Variants in XYLB observed in about 807,000 individuals in gnomAD.
The protein encoded by XYLB is xylulokinase.
A neutral mutation model predicts 78.7 loss-of-function variants in XYLB; 62 were observed. The ratio of observed to expected loss-of-function variants is 0.79; its 90% CI spans 0.64 to 0.97. The LOEUF (loss-of-function observed/expected upper bound fraction) is 0.97. Ranked by LOEUF, XYLB falls within the 50% of genes least tolerant of loss-of-function variation. The probability of loss-of-function intolerance (pLI) is 0.00; values close to 1 mark genes in which losing one functional copy is unlikely to be tolerated. For synonymous variants in XYLB, 245 were observed against 247.4 expected (o/e 0.99, Z 0.09); for missense variants, 687 against 676.8 (o/e 1.02, Z -0.17).
At chr3:38,374,634 T>C in intron 11 of XYLB, 132 bp downstream of exon 11, 1 of 1,099,280 alleles carries the variant, frequency 9.1e-7, no homozygotes, top group South Asian at 1.4e-5. Flanking sequence ...GGATCTCTGC[T>C]ACTTATCAGA....
At chr3:38,379,625 A>G (rs1177420683) in intron 15 of XYLB, among the ~76,000 whole-genome samples, 2 of 152,138 alleles carry the variant, frequency 1.3e-5, no homozygotes, top group Admixed American at 6.5e-5. Flanking sequence ...TCTTTCTGAA[A>G]CCCTAAGCTC....
intron 2 of XYLB, among the ~76,000 whole-genome samples, chr3:38,354,806 T>C (rs1334566195): frequency 6.6e-6 from 1 of 152,256 alleles, no homozygotes; most frequent in African/African-American, 2.4e-5. Context: ...ACCCAGCCTG[T>C]TGTTAATATT....
At chr3:38,382,951 C>T (rs564242) in intron 15 of XYLB, among the ~76,000 whole-genome samples, 60,730 of 151,848 alleles carry the variant, frequency 0.4, 13,625 homozygotes, top group Admixed American at 0.51. Context: ...GTTGCACGCA[C>T]GTGAGGACTC....
chr3:38,418,031 A>G (rs2125689892), downstream of XYLB, among the ~76,000 whole-genome samples: 1 of 151,580 alleles, frequency 6.6e-6, no homozygotes, highest in South Asian at 2.1e-4. Flanking sequence ...GTCTCTACTA[A>G]TAATACAAAA....
intron 15 of XYLB, among the ~76,000 whole-genome samples, chr3:38,389,017 C>T (rs1282785370): frequency 2.0e-5 from 3 of 147,470 alleles, no homozygotes; most frequent in African/African-American, 5.0e-5. Flanking sequence ...GGTCATAGGA[C>T]AATAGTGGAG....
chr3:38,364,064 C>T (rs1306593777), intron 4 of XYLB, among the ~76,000 whole-genome samples: 1 of 152,038 alleles, frequency 6.6e-6, no homozygotes, highest in Non-Finnish European at 1.5e-5. Context: ...CTAGCTAATC[C>T]CCGACCCCCA....
chr3:38,368,082 C>T (rs1331731102), intron 7 of XYLB, 103 bp from the exon 8 acceptor site: 5 of 1,060,748 alleles, frequency 4.7e-6, no homozygotes, highest in Admixed American at 1.8e-5. Context: ...AAAGTTTCCA[C>T]TTCCCTCTCC....
chr3:38,427,434 G>T, the XYLB span, among the ~76,000 whole-genome samples: 2 of 152,178 alleles, frequency 1.3e-5, no homozygotes, highest in East Asian at 3.8e-4. Context: ...TGTAGTGAAA[G>T]AATTCCCTTT....
In XYLB at chr3:38,397,203, A is replaced by G. The variant is rs202020769; in HGVS notation, c.1438+44A>G. The G allele has an allele frequency of 5.8e-5, 93 of 1,591,946 alleles. No homozygotes were observed. The African/African-American group carries it at 1.2e-3, about 20-fold the overall frequency. ...ACAGCTATCTCTGGAAGTGGCCAGG[A>G]CATGGGGTGGGCTGAGGAGGGTGGA... On this transcript the variant is annotated intron_variant, in intron 17 of 18. Coordinates refer to ENST00000207870, the MANE Select transcript of XYLB (RefSeq NM_005108.4).
At chr3:38,388,523 CAAAAT>C (rs1226966556) in intron 15 of XYLB, among the ~76,000 whole-genome samples, 3 of 151,874 alleles carry the variant, frequency 2.0e-5, no homozygotes, top group Non-Finnish European at 2.9e-5. Flanking sequence ...AAATAAGTAA[CAAAAT>C]AAGTAAAAAA....
the XYLB span, among the ~76,000 whole-genome samples, chr3:38,443,269 T>C: frequency 2.0e-5 from 3 of 152,188 alleles, no homozygotes; most frequent in Non-Finnish European, 4.4e-5. Flanking sequence ...GGTGATGACA[T>C]AAGCCGGTGC....
chr3:38,410,595 G>A (rs1708535176), intron 18 of XYLB, among the ~76,000 whole-genome samples: 2 of 152,116 alleles, frequency 1.3e-5, no homozygotes, highest in African/African-American at 4.8e-5. Flanking sequence ...GAGCGAACAG[G>A]TAACCTACAA....
At position 38,372,622 on chromosome 3, in the gene XYLB, A is replaced by G. The variant is rs373895776; in HGVS notation, c.766-33A>G. 37 of 1,613,812 alleles carry G rather than the reference A, an allele frequency of 2.3e-5. No homozygotes were observed. In the African/African-American group the frequency reaches 4.7e-4, roughly 20 times the overall value. On this transcript the variant is annotated intron_variant, in intron 9 of 18. Coordinates refer to ENST00000207870, the MANE Select transcript of XYLB (RefSeq NM_005108.4). ...TGCTGGGCAGGCGGGATTTACCTCA[A>G]CAGAGCACCTTTGCTTTGTCCCCGT...
intron 15 of XYLB, among the ~76,000 whole-genome samples, chr3:38,390,087 T>G (rs1386355429): frequency 6.6e-6 from 1 of 152,240 alleles, no homozygotes; most frequent in African/African-American, 2.4e-5. Flanking sequence ...TGGTTGTTGT[T>G]GTTTATTCCA....
At chr3:38,382,719 CG>C (rs1282887710) in intron 15 of XYLB, among the ~76,000 whole-genome samples, 1 of 152,168 alleles carries the variant, frequency 6.6e-6, no homozygotes, top group South Asian at 2.1e-4. Flanking sequence ...CCCCAGGGAA[CG>C]GAACAGCCCA....
the XYLB span, among the ~76,000 whole-genome samples, chr3:38,437,314 C>T: frequency 6.6e-6 from 1 of 152,048 alleles, no homozygotes; most frequent in Non-Finnish European, 1.5e-5. Flanking sequence ...CATCATACTG[C>T]ATGGAGAAAA....
rs184036968 is a variant in XYLB at position 38,411,875 on chromosome 3, C to G, written c.1534-1061C>G. On this transcript the variant is annotated intron_variant, in intron 18 of 18. Coordinates refer to ENST00000207870, the MANE Select transcript of XYLB (RefSeq NM_005108.4). Reference sequence around the variant, plus strand: ...GGCCTCCTTGAGTGCAGTGACTCCTCCTGGTCCTGCCTCCTACCTACTAAG... The same window carrying G: ...GGCCTCCTTGAGTGCAGTGACTCCTGCTGGTCCTGCCTCCTACCTACTAAG... 4.6e-5 allele frequency among the ~76,000 whole-genome samples: 7 copies of G among 152,210 alleles called. No individual in the cohort carries two copies. The East Asian group carries it at 1.4e-3, about 29-fold the overall frequency.
intron 2 of XYLB, among the ~76,000 whole-genome samples, chr3:38,351,910 T>C (rs1705386491): frequency 6.6e-6 from 1 of 152,260 alleles, no homozygotes; most frequent in South Asian, 2.1e-4. Flanking sequence ...GGACTACAAT[T>C]GGTTTCACCT....
At chr3:38,424,620 G>A (rs1186492878), downstream of XYLB, among the ~76,000 whole-genome samples, 5 of 152,166 alleles carry the variant, frequency 3.3e-5, no homozygotes, top group African/African-American at 7.2e-5. Context: ...TTTTCCAGAC[G>A]CCCTATACTT....
Sources: gnomAD v4.1 joint callset for allele counts (sites outside exome capture counted in the v4.1 genomes callset) on GRCh38, gnomAD v4.1.1 for gene constraint, MANE v1.5 for transcripts, NCBI Gene and HGNC (gene_info 2026-07-23, HGNC 2026-07-21) for gene names.